GLCCI1: variants seen among roughly 807,000 people sequenced by gnomAD.
GLCCI1 encodes glucocorticoid induced 1, also known as glucocorticoid-induced transcript 1 protein.
GLCCI1 carries 24 observed loss-of-function variants against 52.2 expected under a neutral mutation model. That is an observed-to-expected ratio of 0.46 (90% CI 0.33 to 0.65). The LOEUF is 0.65. Among genes scored for constraint, GLCCI1 ranks in the 30% least tolerant of loss-of-function variants. The pLI is 0.02. For missense variants in GLCCI1, 704 were observed against 701.5 expected (o/e 1.00, Z -0.04); for synonymous variants, 310 against 276.5 (o/e 1.12, Z -1.20).
chr7:8,025,818 G>GA (rs1266753564), intron 3 of GLCCI1, among the ~76,000 whole-genome samples: 14 of 151,928 alleles, frequency 9.2e-5, no homozygotes, highest in East Asian at 1.9e-4. Flanking sequence ...AGTGCTGAAA[G>GA]AAAAAAAACC....
At chr7:8,031,959 T>A (rs1781761038) in intron 3 of GLCCI1, among the ~76,000 whole-genome samples, 1 of 151,956 alleles carries the variant, frequency 6.6e-6, no homozygotes, top group African/African-American at 2.4e-5. Context: ...GCAAAAAATG[T>A]AAAATGAGAA....
intron 1 of GLCCI1, among the ~76,000 whole-genome samples, chr7:7,987,055 T>C (rs1780751573): frequency 6.6e-6 from 1 of 152,220 alleles, no homozygotes; most frequent in Non-Finnish European, 1.5e-5. Context: ...ATTATACTGC[T>C]ATAAGTACAG....
intron 2 of GLCCI1, among the ~76,000 whole-genome samples, chr7:8,022,226 A>C (rs1279281167): frequency 6.6e-6 from 1 of 152,138 alleles, no homozygotes; most frequent in African/African-American, 2.4e-5. Flanking sequence ...TTTTATAATT[A>C]AGTTATTTAT....
intron 1 of GLCCI1, among the ~76,000 whole-genome samples, chr7:7,997,542 T>C (rs958812243): frequency 3.9e-5 from 6 of 152,194 alleles, no homozygotes; most frequent in Non-Finnish European, 7.3e-5. Context: ...ATTTGGTATT[T>C]TGATTTCAAT....
At chr7:8,040,525 A>AACACAC (rs58561376) in intron 3 of GLCCI1, among the ~76,000 whole-genome samples, 6,007 of 145,246 alleles carry the variant, frequency 0.041, 200 homozygotes, top group East Asian at 0.13. Flanking sequence ...AGATATAATT[A>AACACAC]ACACACACAC....
intron 2 of GLCCI1, among the ~76,000 whole-genome samples, chr7:8,009,711 C>T (rs1781225395): frequency 6.6e-6 from 1 of 152,206 alleles, no homozygotes; most frequent in Admixed American, 6.5e-5. Flanking sequence ...AAGAAATTAA[C>T]TTTTGCAGTT....
intron 1 of GLCCI1, among the ~76,000 whole-genome samples, chr7:7,998,360 C>T (rs1343205273): frequency 1.3e-5 from 2 of 151,894 alleles, no homozygotes; most frequent in Admixed American, 6.6e-5. Flanking sequence ...GGATTACAGG[C>T]GCCCTCCACC....
At chr7:7,998,059 T>A (rs1780972589) in intron 1 of GLCCI1, among the ~76,000 whole-genome samples, 1 of 151,926 alleles carries the variant, frequency 6.6e-6, no homozygotes, top group Admixed American at 6.6e-5. Context: ...ATTATTAAAA[T>A]CTACATTTAA....
intron 1 of GLCCI1, among the ~76,000 whole-genome samples, chr7:8,001,541 G>A (rs1238734172): frequency 6.6e-6 from 1 of 152,210 alleles, no homozygotes; most frequent in Non-Finnish European, 1.5e-5. Flanking sequence ...GTGGAAGACA[G>A]TGGTGATTCC....
chr7:8,083,269 A>G (rs957272402), intron 6 of GLCCI1, among the ~76,000 whole-genome samples: 2 of 150,426 alleles, frequency 1.3e-5, no homozygotes, highest in South Asian at 4.1e-4. Context: ...TTGATCTCAT[A>G]TATTTCCTTT....
At chr7:8,051,648 A>AGTCATCATTTGGTTTT (rs1218387221) in intron 3 of GLCCI1, among the ~76,000 whole-genome samples, 2 of 152,244 alleles carry the variant, frequency 1.3e-5, no homozygotes, top group African/African-American at 4.8e-5. Flanking sequence ...TTCACGTCTT[A>AGTCATCATTTGGTTTT]GTCATCATTT....
intron 3 of GLCCI1, among the ~76,000 whole-genome samples, chr7:8,037,648 A>G (rs1781896576): frequency 6.6e-6 from 1 of 152,188 alleles, no homozygotes; most frequent in Non-Finnish European, 1.5e-5. Context: ...GCTTACAAGA[A>G]ATCCACCTAA....
At chr7:8,070,733 G>C in intron 5 of GLCCI1, 188 bp from the exon 6 acceptor site, 1 of 568,038 alleles carries the variant, frequency 1.8e-6, no homozygotes, top group African/African-American at 1.9e-5. Flanking sequence ...TGATTTAAAA[G>C]AAATGTTTAG....
Position 7,969,739 on chromosome 7 carries a change from G to C in GLCCI1, c.389G>C (p.Arg130Pro), listed in dbSNP as rs1384348266. Reference sequence around the variant, plus strand: ...CCGCGGGCCAAGGGCCGCCCGAGACGGTCCCCAGAGAGCCACCGGAGGAGC... The same window carrying C: ...CCGCGGGCCAAGGGCCGCCCGAGACCGTCCCCAGAGAGCCACCGGAGGAGC... ...QAPRAKGRPRRSPESHRRSSS... is the reference protein window; with the variant it reads ...QAPRAKGRPRPSPESHRRSSS... Residue 130 changes from arginine (R) to proline (P), a missense_variant, in exon 1 of 8, where the codon CGG becomes CCG. Physicochemically the swap from Arg to Pro is moderately radical, Grantham distance 103. Coordinates refer to ENST00000223145, the MANE Select transcript of GLCCI1 (RefSeq NM_138426.4). This position sits in a 1 kb window ranked among gnomAD's most constrained non-coding sequence, Gnocchi z 4.9. 1.3e-5 allele frequency: 19 copies of C among 1,455,520 alleles called. No homozygotes were observed. Among genetic ancestry groups the C allele is most frequent in the Middle Eastern group, 2.4e-4 (1 of 4,088 alleles). The allele number at this position is 1,455,520 out of a possible 1,614,324, so 90.2% of individuals were successfully genotyped here.
intron 1 of GLCCI1, among the ~76,000 whole-genome samples, chr7:7,984,730 T>C (rs998031308): frequency 2.6e-5 from 4 of 152,236 alleles, no homozygotes. Flanking sequence ...TAAAATGTTC[T>C]ACTGAGATTT....
At chr7:8,085,697 C>T (rs896957375) in intron 7 of GLCCI1, among the ~76,000 whole-genome samples, 22 of 150,774 alleles carry the variant, frequency 1.5e-4, no homozygotes, top group African/African-American at 5.2e-4. Context: ...GTGGACCCAA[C>T]CTCTGTTGAA....
At chr7:8,022,409 A>T in intron 2 of GLCCI1, 74 bp from the exon 3 acceptor site, 1 of 810,388 alleles carries the variant, frequency 1.2e-6, no homozygotes, top group Non-Finnish European at 1.8e-6. Flanking sequence ...AGAATTTTAA[A>T]TATGTTTCAG....
At position 8,057,899 on chromosome 7, in the gene GLCCI1, T is replaced by C. The variant is rs116359871; in HGVS notation, c.814-2197T>C. ...TCTTAAAAATTATTATCCTTTGCTATACATACTGGAATATTTGTAGGTGGA... is the reference window on the plus strand; with the variant it reads ...TCTTAAAAATTATTATCCTTTGCTACACATACTGGAATATTTGTAGGTGGA... On this transcript the variant is annotated intron_variant, in intron 4 of 7. Coordinates refer to ENST00000223145, the MANE Select transcript of GLCCI1 (RefSeq NM_138426.4). 5.6e-3 allele frequency among the ~76,000 whole-genome samples: 857 copies of C among 152,342 alleles called. 5 individuals carry two copies. Among genetic ancestry groups the C allele is most frequent in the African/African-American group, 0.02 (827 of 41,578 alleles).
intron 1 of GLCCI1, among the ~76,000 whole-genome samples, chr7:8,002,709 T>C (rs1282593395): frequency 6.6e-6 from 1 of 152,216 alleles, no homozygotes; most frequent in African/African-American, 2.4e-5. Flanking sequence ...GAGATATGAC[T>C]CTGAAAAGAG....
Sources: allele counts gnomAD v4.1 joint callset (sites outside exome capture counted in the v4.1 genomes callset), GRCh38; gene constraint gnomAD v4.1.1; non-coding constraint Gnocchi (gnomAD v3.1); transcripts MANE v1.5; gene names NCBI Gene and HGNC (gene_info 2026-07-23, HGNC 2026-07-21).